The following HEATR5B variants were observed in gnomAD, a reference collection of about 807,000 sequenced individuals.
HEATR5B encodes HEAT repeat-containing protein 5B.
In HEATR5B, 156 loss-of-function variants were observed where a neutral mutation model predicts 224.1. The ratio of observed to expected loss-of-function variants is 0.70; its 90% CI spans 0.61 to 0.80. HEATR5B has a LOEUF of 0.80. HEATR5B is among the 30% of genes least tolerant of loss of function. HEATR5B has a pLI of 0.00. For synonymous variants in HEATR5B, 1,027 were observed against 893.0 expected (o/e 1.15, Z -2.68); for missense variants, 2,323 against 2,535.5 (o/e 0.92, Z 1.80).
Position 37,075,493 on chromosome 2 carries a change from C to T in HEATR5B, c.589G>A (p.Val197Met). Residue 197 changes from valine to methionine, a missense_variant, in exon 5 of 36, where the codon GTG becomes ATG. Coordinates refer to ENST00000233099, the MANE Select transcript of HEATR5B (RefSeq NM_019024.3). ...TDRSMAVRCA[V>M]AKCLLELQNE... is the part of the protein sequence containing the mutation. ...ATTGGTCGAGTACTAACCTTGGCCA[C>T]TGCACATCGAACAGCCATTGACCTA... The T allele has an allele frequency of 6.2e-7, 1 of 1,612,334 alleles. No homozygotes were observed. Among genetic ancestry groups the T allele is most frequent in the Non-Finnish European group, 8.5e-7 (1 of 1,179,126 alleles).
intron 7 of HEATR5B, 114 bp from the exon 8 acceptor site, chr2:37,069,044 G>A (rs1671755846): frequency 9.2e-7 from 1 of 1,091,432 alleles, no homozygotes; most frequent in African/African-American, 1.6e-5. Flanking sequence ...TTGTATTTGA[G>A]GCTAAAACAG....
At chr2:37,019,582 G>C (rs187107615) in intron 26 of HEATR5B, among the ~76,000 whole-genome samples, 9 of 151,700 alleles carry the variant, frequency 5.9e-5, no homozygotes, top group Non-Finnish European at 1.0e-4. Context: ...TCAGCCTCCA[G>C]AGTAGCCTGG....
chr2:37,048,431 C>T (rs866048621), intron 18 of HEATR5B, among the ~76,000 whole-genome samples: 5 of 152,036 alleles, frequency 3.3e-5, no homozygotes, highest in Admixed American at 2.0e-4. Context: ...GTGATCCACC[C>T]ACCTCAGGCT....
rs1253362641 is a variant in HEATR5B, at chr2:36,988,864, A to G, written c.5698-5T>C. The G allele has an allele frequency of 3.7e-6, 6 of 1,602,128 alleles. 1 individual carries two copies. Among genetic ancestry groups the G allele is most frequent in the South Asian group, 3.3e-5 (3 of 90,846 alleles). ...CTGGTAACATTTGGCTTGAACCTAT[A>G]TAAGAAGAACATATTATCAATTAAC... On this transcript the variant is annotated splice_polypyrimidine_tract_variant and splice_region_variant and intron_variant, in intron 34 of 35. Coordinates refer to ENST00000233099, the MANE Select transcript of HEATR5B (RefSeq NM_019024.3).
intron 21 of HEATR5B, among the ~76,000 whole-genome samples, chr2:37,033,696 G>A (rs955492621): frequency 1.3e-5 from 2 of 152,164 alleles, no homozygotes; most frequent in African/African-American, 4.8e-5. Flanking sequence ...ACAGCTGCCA[G>A]ACTGGGTTTG....
intron 35 of HEATR5B, among the ~76,000 whole-genome samples, chr2:36,984,215 A>AAAAAAAAAAAAAAAAATATAT: frequency 1.3e-5 from 1 of 77,642 alleles, no homozygotes. Flanking sequence ...AAAAAAAAAA[A>AAAAAAAAAAAAAAAAATATAT]ATATATATAT....
intron 15 of HEATR5B, among the ~76,000 whole-genome samples, 181 bp from the exon 16 acceptor site, chr2:37,056,796 C>T (rs1670938982): frequency 6.6e-6 from 1 of 152,162 alleles, no homozygotes; most frequent in South Asian, 2.1e-4. Flanking sequence ...TCATCAGTAA[C>T]ACCTTATACA....
intron 27 of HEATR5B, 55 bp from the exon 28 acceptor site, chr2:37,008,903 T>C: frequency 3.9e-6 from 4 of 1,025,342 alleles, no homozygotes; most frequent in East Asian, 4.7e-5. Flanking sequence ...AAAAATAAGA[T>C]ATTTTACGTT....
At chr2:37,012,197 G>A (rs565556659) in intron 27 of HEATR5B, among the ~76,000 whole-genome samples, 1 of 152,188 alleles carries the variant, frequency 6.6e-6, no homozygotes, top group East Asian at 1.9e-4. Flanking sequence ...CCTAATGTGT[G>A]CGTGCGTGTG....
At chr2:37,032,795 G>C (rs755318443) in intron 21 of HEATR5B, 22 bp from the exon 22 acceptor site, 2 of 1,603,580 alleles carry the variant, frequency 1.2e-6, no homozygotes, top group Non-Finnish European at 8.5e-7. Context: ...AACAATGTTA[G>C]GCGATTTCTC....
chr2:36,993,141 TACTC>T (rs1292772537), intron 33 of HEATR5B, among the ~76,000 whole-genome samples: 1 of 151,994 alleles, frequency 6.6e-6, no homozygotes, highest in African/African-American at 2.4e-5. Context: ...GAGGGGGAAA[TACTC>T]AGTCTGCTAC....
intron 20 of HEATR5B, among the ~76,000 whole-genome samples, chr2:37,039,171 GAAA>G (rs772913828): frequency 8.1e-6 from 1 of 123,298 alleles, no homozygotes; most frequent in African/African-American, 2.9e-5. Context: ...CTTAAAAAGA[GAAA>G]AAAAAAAAAA....
At chr2:37,023,904 A>G (rs879449809) in intron 24 of HEATR5B, among the ~76,000 whole-genome samples, 43 of 152,194 alleles carry the variant, frequency 2.8e-4, no homozygotes, top group Non-Finnish European at 4.4e-4. Flanking sequence ...GGAAGCAAAA[A>G]CACACCACCA....
intron 33 of HEATR5B, among the ~76,000 whole-genome samples, chr2:36,996,590 T>C (rs1472194635): frequency 6.6e-6 from 1 of 151,552 alleles, no homozygotes; most frequent in Non-Finnish European, 1.5e-5. Context: ...CTAATTTTTG[T>C]ATATATATAT....
At chr2:37,001,870 T>C (rs1667112664) in intron 32 of HEATR5B, among the ~76,000 whole-genome samples, 1 of 152,162 alleles carries the variant, frequency 6.6e-6, no homozygotes, top group African/African-American at 2.4e-5. Context: ...TTTCACCATG[T>C]TGGTCAGGCT....
chr2:37,008,712 T>A lies in HEATR5B; in HGVS notation c.4421A>T (p.Gln1474Leu), dbSNP rs1667590145. 3 of 1,614,052 alleles carry A rather than the reference T, an allele frequency of 1.9e-6. No individual in the cohort carries two copies. The Admixed American group carries it at 5.0e-5, about 27-fold the overall frequency. Residue 1474 changes from glutamine (Q) to leucine (L), a missense_variant, in exon 28 of 36, where the codon CAA becomes CTA. By Grantham distance (113) the Gln-to-Leu change is moderately radical (BLOSUM62 -2). This residue lies in a region of HEATR5B where 844 missense variants were observed against 812.9 expected (regional missense o/e 1.04). Coordinates refer to ENST00000233099, the MANE Select transcript of HEATR5B (RefSeq NM_019024.3). ...LPPDSLITLV[Q>L]PELPTLSRLW... is the part of the protein sequence containing the mutation. The stretch of plus-strand genomic sequence containing the variant: ...GCGACTGAGTGTTGGTAGTTCAGGT[T>A]GTACCAGTGTTATTAAACTATCTGG...
In HEATR5B at chr2:36,981,753, A is replaced by G; in HGVS notation, c.5953T>C (p.Tyr1985His). 6.2e-7 allele frequency: 1 copy of G among 1,613,554 alleles called. No homozygotes were observed. The highest frequency in any genetic ancestry group is 1.1e-5 in the South Asian group (1 of 90,948). The change falls in exon 36 of 36, where the codon TAC becomes CAC. Residue 1985 changes from tyrosine to histidine, a missense_variant. Transcript: ENST00000233099. The stretch of plus-strand genomic sequence containing the variant: ...GCAAAAGAATTTTCATCCAGCAGGT[A>G]AGATATCAAAGTGGGAACTAAAAGA... ...LALLVPTLISYLLDENSFASA... is the reference protein window; with the variant it reads ...LALLVPTLISHLLDENSFASA...
chr2:37,067,084 T>C (rs1671633852), intron 8 of HEATR5B, among the ~76,000 whole-genome samples: 1 of 152,162 alleles, frequency 6.6e-6, no homozygotes, highest in African/African-American at 2.4e-5. Flanking sequence ...TTGGGCAGGC[T>C]GTTTTTGAAG....
intron 33 of HEATR5B, among the ~76,000 whole-genome samples, chr2:36,991,052 A>T (rs920730352): frequency 1.3e-5 from 2 of 152,132 alleles, no homozygotes; most frequent in Admixed American, 6.5e-5. Flanking sequence ...TACTTGCCTT[A>T]ATCTAATACA....
Sources: gnomAD v4.1 joint callset for allele counts (sites outside exome capture counted in the v4.1 genomes callset) on GRCh38, gnomAD v4.1.1 for gene constraint, gnomAD v4.1.1 regional missense constraint, MANE v1.5 for transcripts, NCBI Gene and HGNC (gene_info 2026-07-23, HGNC 2026-07-21) for gene names.